Variants in FZD6 observed in about 807,000 individuals in gnomAD.
FZD6 encodes frizzled class receptor 6.
FZD6 carries 49 observed loss-of-function variants against 61.4 expected under a neutral mutation model. The observed-to-expected ratio is 0.80, with a 90% CI of 0.63 to 1.01. The LOEUF (loss-of-function observed/expected upper bound fraction) is 1.01. Ranked by LOEUF, FZD6 falls within the 50% of genes least tolerant of loss-of-function variation. FZD6 has a pLI of 0.00. For synonymous variants in FZD6, 265 were observed against 292.2 expected (o/e 0.91, Z 0.95); for missense variants, 724 against 848.2 (o/e 0.85, Z 1.82).
Position 103,300,226 on chromosome 8 carries a change from C to A in FZD6, c.119C>A (p.Thr40Lys). The change falls in exon 2 of 7, where the codon ACG becomes AAG. Residue 40 changes from threonine to lysine, a missense_variant. By Grantham distance (78) the Thr-to-Lys change is moderately conservative. Coordinates refer to ENST00000358755, the MANE Select transcript of FZD6 (RefSeq NM_003506.4). ...TGTATGAAAATGGCCTACAACATGA[C>A]GTTTTTCCCTAATCTGATGGGTCAT... The part of the protein sequence containing the change: ...PRCMKMAYNM[T>K]FFPNLMGHYD... 1 of 1,611,622 alleles carries A rather than the reference C, an allele frequency of 6.2e-7. No individual in the cohort carries two copies. The highest frequency in any genetic ancestry group is 8.5e-7 in the Non-Finnish European group (1 of 1,177,712).
At chr8:103,318,389 C>A (rs1373050119) in intron 2 of FZD6, among the ~76,000 whole-genome samples, 3 of 152,090 alleles carry the variant, frequency 2.0e-5, no homozygotes, top group Non-Finnish European at 4.4e-5. Context: ...CTGGAATAAT[C>A]CATGTCTTCT....
Position 103,324,620 on chromosome 8 carries a change from G to A in FZD6, c.514G>A (p.Gly172Arg). The change falls in exon 4 of 7, where the codon GGA becomes AGA. Residue 172 changes from glycine to arginine, a missense_variant. Transcript: ENST00000358755. ...PRHLKTSGGQ[G>R]YKFLGIDQCA... ...GCATCTTAAGACTTCTGGGGGACAA[G>A]GATATAAGTTTCTGGGAATTGACCA... The A allele has an allele frequency of 6.2e-7, 1 of 1,614,156 alleles. No individual in the cohort carries two copies. The highest frequency in any genetic ancestry group is 8.5e-7 in the Non-Finnish European group (1 of 1,180,000).
chr8:103,304,497 A>G (rs922812445), intron 2 of FZD6, among the ~76,000 whole-genome samples: 1 of 152,230 alleles, frequency 6.6e-6, no homozygotes, highest in Admixed American at 6.5e-5. Flanking sequence ...TTAAAGTTCA[A>G]GACCCACTGG....
At chr8:103,313,675 G>T (rs946282586) in intron 2 of FZD6, among the ~76,000 whole-genome samples, 1 of 151,958 alleles carries the variant, frequency 6.6e-6, no homozygotes, top group East Asian at 1.9e-4. Context: ...TCCCTTCCAA[G>T]TCTAAAATTC....
At chr8:103,304,894 T>C (rs989401285) in intron 2 of FZD6, among the ~76,000 whole-genome samples, 1 of 152,234 alleles carries the variant, frequency 6.6e-6, no homozygotes, top group Non-Finnish European at 1.5e-5. Flanking sequence ...GACTGGGACA[T>C]CTTGGTTCTT....
chr8:103,331,493 G>A lies in FZD6; in HGVS notation c.2105G>A (p.Cys702Tyr), dbSNP rs757112285. 1 of 1,610,708 alleles carries A rather than the reference G, an allele frequency of 6.2e-7. No individual in the cohort carries two copies. Reference protein sequence around the residue: ...SGVRKEQGGGCHSDT With the variant: ...SGVRKEQGGGYHSDT ...GTGAGAAAAGAGCAGGGAGGTGGTT[G>A]TCATTCAGATACTTGAAGAACATTT... is the stretch of plus-strand genomic sequence containing the variant. Residue 702 changes from cysteine to tyrosine, a missense_variant, in exon 7 of 7, where the codon TGT becomes TAT. By Grantham distance (194) the Cys-to-Tyr change is radical. Transcript: ENST00000358755.
At chr8:103,315,683 A>G (rs948765664) in intron 2 of FZD6, among the ~76,000 whole-genome samples, 2 of 152,208 alleles carry the variant, frequency 1.3e-5, no homozygotes, top group Admixed American at 6.5e-5. Flanking sequence ...TGAGGGATAC[A>G]TTTATTACCT....
rs1187402604 is a variant in FZD6 at position 103,325,496 on chromosome 8, C to G, written c.1390C>G (p.Gln464Glu). ...TCAGTACCATATCCCATGTCCTTAT[C>G]AGGTAAAAGCTATCACTTGGATTAT... Reference protein sequence around the residue: ...CRQYHIPCPYQAKAKARPELA... With the variant: ...CRQYHIPCPYEAKAKARPELA... The change falls in exon 4 of 7, where the codon CAG (glutamine) becomes GAG (glutamate). Residue 464 changes from glutamine to glutamate, a missense_variant and splice_region_variant. By Grantham distance (29) the Gln-to-Glu change is conservative (BLOSUM62 2). Transcript: ENST00000358755. 6.2e-7 allele frequency: 1 copy of G among 1,601,962 alleles called. No individual in the cohort carries two copies. The highest frequency in any genetic ancestry group is 8.6e-7 in the Non-Finnish European group (1 of 1,169,136).
chr8:103,330,981 T>A (rs1380526106), intron 6 of FZD6, among the ~76,000 whole-genome samples: 1 of 152,108 alleles, frequency 6.6e-6, no homozygotes, highest in South Asian at 2.1e-4. Context: ...ATCGAGACCA[T>A]TCTGGCTAAC....
At chr8:103,305,970 T>C (rs1341371720) in intron 2 of FZD6, among the ~76,000 whole-genome samples, 1 of 152,262 alleles carries the variant, frequency 6.6e-6, no homozygotes, top group Non-Finnish European at 1.5e-5. Context: ...GGTTATATAT[T>C]TGTCATGTGT....
Position 103,325,452 on chromosome 8 carries a change from G to A in FZD6, c.1346G>A (p.Trp449Ter). The A allele has an allele frequency of 6.2e-7, 1 of 1,613,682 alleles. No individual in the cohort carries two copies. Among genetic ancestry groups the A allele is most frequent in the Non-Finnish European group, 8.5e-7 (1 of 1,179,656 alleles). ...QVNRITWEIT[W>*]VSDHCRQYHI... ...AACAGGATTACCTGGGAGATAACTT[G>A]GGTCTCTGATCATTGTCGTCAGTAC... Residue 449 changes from tryptophan (W) to a stop codon, truncating the protein, a stop_gained, in exon 4 of 7, where the codon TGG becomes TAG. Transcript: ENST00000358755. LOFTEE classifies it high-confidence loss of function.
intron 2 of FZD6, among the ~76,000 whole-genome samples, chr8:103,303,541 A>C (rs1814233021): frequency 6.6e-6 from 1 of 152,090 alleles, no homozygotes; most frequent in African/African-American, 2.4e-5. Context: ...TGTATCCCTA[A>C]TACTAAGTAC....
chr8:103,312,721 T>C (rs909031664), intron 2 of FZD6, among the ~76,000 whole-genome samples: 6 of 152,328 alleles, frequency 3.9e-5, no homozygotes, highest in Middle Eastern at 3.4e-3. Flanking sequence ...ATTGGTATAA[T>C]GAGTTCAATA....
In FZD6 at chr8:103,329,713, A is replaced by C. The variant is rs764786532; in HGVS notation, c.1600A>C (p.Asn534His). The C allele has an allele frequency of 2.5e-6, 4 of 1,612,154 alleles. No homozygotes were observed. Among genetic ancestry groups the C allele is most frequent in the Non-Finnish European group, 3.4e-6 (4 of 1,178,532 alleles). The change falls in exon 6 of 7, where the codon AAT becomes CAT. Residue 534 changes from asparagine to histidine, a missense_variant. Asn to His is a moderately conservative substitution (Grantham distance 68, BLOSUM62 1). Coordinates refer to ENST00000358755, the MANE Select transcript of FZD6 (RefSeq NM_003506.4). ...ATCATGTGAGTTTTTCTTAAAGCACAATTCTAAAGTTAAACACAAAAAGAA... is the reference window on the plus strand; with the variant it reads ...ATCATGTGAGTTTTTCTTAAAGCACCATTCTAAAGTTAAACACAAAAAGAA... ...QESCEFFLKH[N>H]SKVKHKKKHY...
chr8:103,306,349 A>G (rs1416948569), intron 2 of FZD6, among the ~76,000 whole-genome samples: 2 of 152,172 alleles, frequency 1.3e-5, no homozygotes, highest in East Asian at 3.8e-4. Flanking sequence ...CCACTTTCCT[A>G]TACAGTAGTC....
intron 2 of FZD6, 73 bp downstream of exon 2, chr8:103,300,357 C>CT: frequency 1.8e-6 from 2 of 1,114,986 alleles, no homozygotes; most frequent in Non-Finnish European, 2.8e-6. Context: ...AAAAATAAGT[C>CT]TATTTTTAAA....
chr8:103,316,525 TA>T (rs1274194292), intron 2 of FZD6, among the ~76,000 whole-genome samples: 2 of 152,234 alleles, frequency 1.3e-5, no homozygotes, highest in African/African-American at 4.8e-5. Context: ...TCAGGAATAT[TA>T]CATCTTCTAG....
intron 3 of FZD6, among the ~76,000 whole-genome samples, chr8:103,319,693 T>G (rs1372430987): frequency 1.3e-5 from 2 of 152,122 alleles, no homozygotes; most frequent in East Asian, 3.8e-4. Context: ...TGGTTATAAC[T>G]GAAACAAATA....
In FZD6 at chr8:103,331,496, A is replaced by AT. The variant is rs771761454; in HGVS notation, c.2110dup (p.Ser704PhefsTer28). The AT allele has an allele frequency of 6.2e-7, 1 of 1,609,956 alleles. No individual in the cohort carries two copies. The highest frequency in any genetic ancestry group is 1.1e-5 in the South Asian group (1 of 90,986). ...AGAAAAGAGCAGGGAGGTGGTTGTC[A>AT]TTCAGATACTTGAAGAACATTTTCT... On this transcript the variant is annotated frameshift_variant, in exon 7 of 7. Coordinates refer to ENST00000358755, the MANE Select transcript of FZD6 (RefSeq NM_003506.4). LOFTEE classifies it high-confidence loss of function.
Sources: allele counts gnomAD v4.1 joint callset (sites outside exome capture counted in the v4.1 genomes callset), GRCh38; gene constraint gnomAD v4.1.1; transcripts MANE v1.5; gene names NCBI Gene and HGNC (gene_info 2026-07-23, HGNC 2026-07-21).